EBF2: variants seen among roughly 807,000 people sequenced by gnomAD.
EBF2 encodes the protein transcription factor COE2.
Under a neutral mutation model 72.8 loss-of-function variants are expected in EBF2, and 21 were observed. The observed-to-expected ratio is 0.29, with a 90% CI of 0.20 to 0.42. The LOEUF is 0.42. Ranked by LOEUF, EBF2 falls within the 10% of genes least tolerant of loss-of-function variation. The pLI, the probability that EBF2 is intolerant of heterozygous loss-of-function variation, is 1.00. For missense variants in EBF2, 637 were observed against 731.2 expected (o/e 0.87, Z 1.49); for synonymous variants, 299 against 274.2 (o/e 1.09, Z -0.89).
intron 10 of EBF2, among the ~76,000 whole-genome samples, chr8:25,866,460 AAT>A (rs1371477193): frequency 1.4e-5 from 2 of 139,692 alleles, no homozygotes; most frequent in African/African-American, 2.7e-5. Flanking sequence ...ATATATATAT[AAT>A]ATATAGGATA....
In EBF2 at chr8:26,041,180, G is replaced by A. The variant is rs142627340; in HGVS notation, c.289-178C>T. On this transcript the variant is annotated intron_variant, in intron 2 of 15. Coordinates refer to ENST00000520164, the MANE Select transcript of EBF2 (RefSeq NM_022659.4). ...CATCTGCCTGTCCTTGGCCGCCCCC[G>A]GAAACTTGCCAAGACTCGTAGCCAC... is the stretch of plus-strand genomic sequence containing the variant. 1.1e-3 allele frequency: 770 copies of A among 679,494 alleles called. 6 individuals carry two copies. In the African/African-American group the frequency reaches 0.013, roughly 11 times the overall value. 42.1% of individuals were successfully genotyped at this position (679,494 alleles called of 1,614,324 possible). A position where few individuals can be genotyped will look rare whatever the true frequency, so the allele number is the denominator to read the frequency against.
intron 6 of EBF2, among the ~76,000 whole-genome samples, chr8:26,014,362 G>T (rs918867432): frequency 2.0e-5 from 3 of 147,220 alleles, no homozygotes; most frequent in African/African-American, 2.5e-5. Flanking sequence ...TTTATTATTA[G>T]TAGTAGTATT....
chr8:25,889,551 C>G (rs1563389988), intron 8 of EBF2, among the ~76,000 whole-genome samples: 1 of 151,916 alleles, frequency 6.6e-6, no homozygotes, highest in Non-Finnish European at 1.5e-5. Flanking sequence ...GGCATGAGGA[C>G]TTGGCACGGG....
intron 6 of EBF2, among the ~76,000 whole-genome samples, chr8:26,027,611 C>T (rs1356175423): frequency 7.9e-3 from 1 of 126 alleles, no homozygotes; most frequent in Admixed American, 0.056. Flanking sequence ...AGCAATTCCA[C>T]TTCTGGGTAT....
intron 6 of EBF2, among the ~76,000 whole-genome samples, chr8:26,011,856 C>A (rs577149553): frequency 6.6e-6 from 1 of 151,878 alleles, no homozygotes; most frequent in Non-Finnish European, 1.5e-5. Flanking sequence ...GACACATGCA[C>A]AGCCAGGAGC....
chr8:25,921,699 T>C (rs1255137939), intron 6 of EBF2, among the ~76,000 whole-genome samples: 1 of 152,212 alleles, frequency 6.6e-6, no homozygotes, highest in Non-Finnish European at 1.5e-5. Context: ...TGTAACCCCA[T>C]TGCATTTTGT....
chr8:25,891,052 G>A (rs972512133), intron 7 of EBF2, among the ~76,000 whole-genome samples: 1 of 152,212 alleles, frequency 6.6e-6, no homozygotes, highest in African/African-American at 2.4e-5. Context: ...GAGGTCCTAG[G>A]AGGAGGCAGA....
At chr8:26,010,233 G>GT (rs1214327538) in intron 6 of EBF2, among the ~76,000 whole-genome samples, 1 of 152,172 alleles carries the variant, frequency 6.6e-6, no homozygotes, top group Non-Finnish European at 1.5e-5. Context: ...TTGTGAATAT[G>GT]TTTAAGAGAG....
chr8:25,943,652 C>T (rs893572456), intron 6 of EBF2, among the ~76,000 whole-genome samples: 1 of 152,114 alleles, frequency 6.6e-6, no homozygotes, highest in Non-Finnish European at 1.5e-5. Context: ...TGCTTTAGTT[C>T]CAGGGACCTT....
intron 14 of EBF2, among the ~76,000 whole-genome samples, chr8:25,853,382 AAAAG>A (rs757392883): frequency 1.3e-5 from 2 of 152,174 alleles, no homozygotes; most frequent in African/African-American, 4.8e-5. Flanking sequence ...AGGACACAAA[AAAAG>A]AAAATCAGGA....
intron 7 of EBF2, among the ~76,000 whole-genome samples, chr8:25,907,730 T>C (rs1279379887): frequency 6.6e-6 from 1 of 152,166 alleles, no homozygotes; most frequent in African/African-American, 2.4e-5. Context: ...TCGTTTAACA[T>C]GTTTTTAATT....
At chr8:25,885,557 T>G (rs10088751) in intron 10 of EBF2, among the ~76,000 whole-genome samples, 1,657 of 152,318 alleles carry the variant, frequency 0.011, 27 homozygotes, top group African/African-American at 0.033. Context: ...AATCTCATCT[T>G]GAATTGTAGC....
At chr8:25,960,629 A>C (rs1287138212) in intron 6 of EBF2, among the ~76,000 whole-genome samples, 1 of 152,122 alleles carries the variant, frequency 6.6e-6, no homozygotes, top group Non-Finnish European at 1.5e-5. Context: ...TGCGTCTCAC[A>C]CTAGATGAAT....
intron 6 of EBF2, among the ~76,000 whole-genome samples, chr8:25,956,902 A>G (rs887626097): frequency 1.3e-5 from 2 of 152,216 alleles, no homozygotes; most frequent in Non-Finnish European, 2.9e-5. Context: ...TATAGAAAAC[A>G]TGACATTTGT....
rs532507432 is a variant in EBF2 at position 25,998,569 on chromosome 8, C to T, written c.551+34516G>A. Among the ~76,000 whole-genome samples, 3 of 152,270 alleles carry T rather than the reference C, an allele frequency of 2.0e-5. No individual in the cohort carries two copies. The East Asian group carries it at 5.8e-4, about 29-fold the overall frequency. Reference sequence around the variant, plus strand: ...CCTTCCATGTAAACTCCAGTGGTGACGTTCTGCTTTCTTCCCATTTATTTG... The same window carrying T: ...CCTTCCATGTAAACTCCAGTGGTGATGTTCTGCTTTCTTCCCATTTATTTG... On this transcript the variant is annotated intron_variant, in intron 6 of 15. Transcript: ENST00000520164.
rs557327210 is a variant in EBF2 at position 25,905,665 on chromosome 8, T to C, written c.633+2809A>G. Among the ~76,000 whole-genome samples the C allele has an allele frequency of 2.6e-5, 4 of 152,294 alleles. No homozygotes were observed. In the East Asian group the frequency reaches 7.7e-4, roughly 29 times the overall value. On this transcript the variant is annotated intron_variant, in intron 7 of 15. Transcript: ENST00000520164. Reference sequence around the variant, plus strand: ...ATAGAGACAGAAAGTAGATTAGTGGTTGCCAGTGAATGGGGAGAAACAGGA... The same window carrying C: ...ATAGAGACAGAAAGTAGATTAGTGGCTGCCAGTGAATGGGGAGAAACAGGA...
chr8:25,906,631 G>T (rs1316182350), intron 7 of EBF2, among the ~76,000 whole-genome samples: 1 of 152,102 alleles, frequency 6.6e-6, no homozygotes, highest in Non-Finnish European at 1.5e-5. Context: ...GCCAGGCGTG[G>T]TGGCATGTGC....
intron 6 of EBF2, among the ~76,000 whole-genome samples, chr8:25,936,214 G>T (rs1200219252): frequency 1.3e-5 from 2 of 152,172 alleles, no homozygotes; most frequent in African/African-American, 4.8e-5. Context: ...TGCAAAAGTG[G>T]TTTTGCTCCT....
At chr8:25,943,511 CA>C (rs372084149) in intron 6 of EBF2, among the ~76,000 whole-genome samples, 2 of 151,192 alleles carry the variant, frequency 1.3e-5, no homozygotes, top group African/African-American at 2.4e-5. Flanking sequence ...CCCTGTCTCT[CA>C]AAAAAAAATT....
Sources: gnomAD v4.1 joint callset for allele counts (sites outside exome capture counted in the v4.1 genomes callset) on GRCh38, gnomAD v4.1.1 for gene constraint, MANE v1.5 for transcripts, NCBI Gene and HGNC (gene_info 2026-07-23, HGNC 2026-07-21) for gene names.